Variants in ZNF18 observed in about 807,000 individuals in gnomAD.
ZNF18 encodes the protein heart development-specific gene 1 protein.
In ZNF18, 42 loss-of-function variants were observed where a neutral mutation model predicts 58.1. The observed-to-expected ratio is 0.72, with a 90% CI of 0.56 to 0.93. The LOEUF is 0.93. Ranked by LOEUF, ZNF18 falls within the 40% of genes least tolerant of loss-of-function variation. The probability of loss-of-function intolerance (pLI) is 0.00; values close to 1 mark genes in which losing one functional copy is unlikely to be tolerated. For synonymous variants in ZNF18, 231 were observed against 239.8 expected (o/e 0.96, Z 0.34); for missense variants, 540 against 644.2 (o/e 0.84, Z 1.75).
intron 2 of ZNF18, 77 bp from the exon 3 acceptor site, chr17:11,991,240 TA>T: frequency 8.0e-7 from 1 of 1,254,122 alleles, no homozygotes. Context: ...GCTTACTCTC[TA>T]CAACAGATCA....
rs2151465908 is a variant in ZNF18 at position 11,978,464 on chromosome 17, T to C, written c.1143A>G (p.Glu381=). The C allele has an allele frequency of 6.3e-7, 1 of 1,583,316 alleles. No homozygotes were observed. Among genetic ancestry groups the C allele is most frequent in the Non-Finnish European group, 8.6e-7 (1 of 1,165,744 alleles). Residue 381 remains glutamate, a synonymous_variant, in exon 7 of 7, where the codon GAA becomes GAG. Coordinates refer to ENST00000580306, the MANE Select transcript of ZNF18 (RefSeq NM_001303281.2). ...TCTCCTCAAGCCACATGGTGGACAT[T>C]TCTCCTGAATGAGGATTAGGCAAAT... The part of the protein sequence containing the change: ...GQHLPNPHSG[E]MSTMWLEEKR...
At chr17:12,012,955 AT>A in the ZNF18 span, among the ~76,000 whole-genome samples, 131,887 of 136,368 alleles carry the variant, frequency 0.97, 63,738 homozygotes, top group East Asian at 0.99. Context: ...ATTTGTAGGA[AT>A]TTTTTTTTTT....
At chr17:12,016,449 C>A in the ZNF18 span, among the ~76,000 whole-genome samples, 3 of 152,170 alleles carry the variant, frequency 2.0e-5, no homozygotes, top group African/African-American at 4.8e-5. Context: ...CCTGCCTCAG[C>A]CTCCTGAGTC....
chr17:12,015,783 A>G, the ZNF18 span, among the ~76,000 whole-genome samples: 1 of 151,932 alleles, frequency 6.6e-6, no homozygotes, highest in South Asian at 2.1e-4. Flanking sequence ...CTAGAGTTTT[A>G]TATTTGTATT....
chr17:11,991,653 T>G (rs904264001), intron 2 of ZNF18, among the ~76,000 whole-genome samples: 1 of 152,150 alleles, frequency 6.6e-6, no homozygotes, highest in African/African-American at 2.4e-5. Context: ...GGTAATTTCT[T>G]GAGGGACAGG....
In ZNF18 at chr17:11,992,753, G is replaced by C; in HGVS notation, c.77C>G (p.Ser26Ter). ...AKAEDSQFSE[S>*]DAALQEELSS... ...GAGTTCCTCTTGAAGGGCAGCATCT[G>C]ATTCTGAGAACTGGGAGTCCTCGGC... is the stretch of plus-strand genomic sequence containing the variant. Residue 26 changes from serine (S) to a stop codon, truncating the protein, a stop_gained, in exon 2 of 7, where the codon TCA becomes TGA. Coordinates refer to ENST00000580306, the MANE Select transcript of ZNF18 (RefSeq NM_001303281.2). LOFTEE classifies it high-confidence loss of function. 3.1e-6 allele frequency: 5 copies of C among 1,614,230 alleles called. No homozygotes were observed. Among genetic ancestry groups the C allele is most frequent in the Non-Finnish European group, 4.2e-6 (5 of 1,180,038 alleles).
chr17:11,985,068 T>C (rs1967647919), intron 4 of ZNF18, among the ~76,000 whole-genome samples: 1 of 152,236 alleles, frequency 6.6e-6, no homozygotes, highest in African/African-American at 2.4e-5. Flanking sequence ...ATAGCCATAC[T>C]TGAAATATCT....
chr17:12,011,479 G>A, the ZNF18 span, among the ~76,000 whole-genome samples: 2 of 150,554 alleles, frequency 1.3e-5, no homozygotes, highest in South Asian at 2.1e-4. Flanking sequence ...TCTGACTTCC[G>A]GGTTCAAGCG....
chr17:12,003,040 T>A, the ZNF18 span, among the ~76,000 whole-genome samples: 2 of 152,208 alleles, frequency 1.3e-5, no homozygotes, highest in African/African-American at 4.8e-5. Context: ...GGAAACTGAA[T>A]TGTCTTTTAA....
intron 3 of ZNF18, 74 bp from the exon 4 acceptor site, chr17:11,990,624 T>C: frequency 8.4e-7 from 1 of 1,193,052 alleles, no homozygotes; most frequent in Non-Finnish European, 1.2e-6. Flanking sequence ...CAGATAACAA[T>C]CTTCACAAAT....
chr17:11,987,816 T>TA (rs1212192016), intron 4 of ZNF18, among the ~76,000 whole-genome samples: 1 of 152,166 alleles, frequency 6.6e-6, no homozygotes, highest in Non-Finnish European at 1.5e-5. Flanking sequence ...TTTGATTCAC[T>TA]AAAAAGATAT....
At chr17:12,003,218 T>A in the ZNF18 span, among the ~76,000 whole-genome samples, 1 of 151,898 alleles carries the variant, frequency 6.6e-6, no homozygotes, top group Non-Finnish European at 1.5e-5. Context: ...CACTTTGGAA[T>A]CACAAGGTCA....
At chr17:11,988,852 CA>C (rs998351659) in intron 4 of ZNF18, among the ~76,000 whole-genome samples, 17 of 150,580 alleles carry the variant, frequency 1.1e-4, no homozygotes, top group African/African-American at 3.7e-4. Flanking sequence ...GTAAGACACA[CA>C]AAAATTTAAA....
At chr17:12,003,363 T>C in the ZNF18 span, among the ~76,000 whole-genome samples, 1 of 147,282 alleles carries the variant, frequency 6.8e-6, no homozygotes, top group African/African-American at 2.5e-5. Flanking sequence ...CACTTGAACC[T>C]GGGAAGGCAG....
the ZNF18 span, chr17:12,009,021 A>C: frequency 6.6e-6 from 1 of 152,204 alleles, no homozygotes; most frequent in Non-Finnish European, 1.5e-5. Context: ...CACAGGCTAT[A>C]CAGATATCAG....
chr17:12,019,199 C>G, the ZNF18 span, among the ~76,000 whole-genome samples: 1 of 151,746 alleles, frequency 6.6e-6, no homozygotes, highest in Non-Finnish European at 1.5e-5. Flanking sequence ...CCTGACCTCA[C>G]GTAATCCACC....
In ZNF18 at chr17:11,978,086, A is replaced by G; in HGVS notation, c.1521T>C (p.Phe507=). The part of the protein sequence containing the change: ...CEKSFIQRSN[F]NRHQRVHTGE... ...CAGTGTGAACCCTCTGATGTCTATT[A>G]AAGTTTGATCTCTGAATGAAACTTT... The change falls in exon 7 of 7, where the codon TTT becomes TTC. Residue 507 remains phenylalanine, a synonymous_variant. Transcript: ENST00000580306. 3.7e-6 allele frequency: 6 copies of G among 1,614,168 alleles called. No individual in the cohort carries two copies. Among genetic ancestry groups the G allele is most frequent in the Non-Finnish European group, 5.1e-6 (6 of 1,180,038 alleles).
At chr17:12,020,164 G>A in the ZNF18 span, among the ~76,000 whole-genome samples, 1 of 152,184 alleles carries the variant, frequency 6.6e-6, no homozygotes, top group African/African-American at 2.4e-5. Flanking sequence ...TGCATTTAGG[G>A]GAAGATGGTG....
Position 11,978,848 on chromosome 17 carries a change from T to C in ZNF18, c.863-104A>G, listed in dbSNP as rs1282006268. On this transcript the variant is annotated intron_variant, in intron 6 of 6. Coordinates refer to ENST00000580306, the MANE Select transcript of ZNF18 (RefSeq NM_001303281.2). ...CATAAAACATTCATTTTCTTTTTTT[T>C]TTTTTTTTTTTTTTTTTTAGGGCAT... 17 of 733,752 alleles carry C rather than the reference T, an allele frequency of 2.3e-5. No individual in the cohort carries two copies. The South Asian group carries it at 3.3e-4, about 14-fold the overall frequency. 45.5% of individuals were successfully genotyped at this position (733,752 alleles called of 1,614,324 possible). A position where few individuals can be genotyped will look rare whatever the true frequency, so the allele number is the denominator to read the frequency against.
Sources: gnomAD v4.1 joint callset for allele counts (sites outside exome capture counted in the v4.1 genomes callset) on GRCh38, gnomAD v4.1.1 for gene constraint, MANE v1.5 for transcripts, NCBI Gene and HGNC (gene_info 2026-07-23, HGNC 2026-07-21) for gene names.